C8orf89: variants seen among roughly 807,000 people sequenced by gnomAD.
C8orf89 encodes putative uncharacterized protein C8orf89.
C8orf89 carries 14 observed loss-of-function variants against 15.8 expected under a neutral mutation model. The observed-to-expected ratio is 0.89, with a 90% CI of 0.59 to 1.39. The LOEUF is 1.39. Ranked by LOEUF, C8orf89 falls within the 40% of genes most tolerant of loss-of-function variation. The probability of loss-of-function intolerance (pLI) is 0.00; values close to 1 mark genes in which losing one functional copy is unlikely to be tolerated. For synonymous variants in C8orf89, 55 were observed against 62.2 expected (o/e 0.88, Z 0.54); for missense variants, 181 against 184.5 (o/e 0.98, Z 0.11).
At chr8:73,282,852 A>G in the C8orf89 span, among the ~76,000 whole-genome samples, 1 of 152,224 alleles carries the variant, frequency 6.6e-6, no homozygotes, top group Non-Finnish European at 1.5e-5. Context: ...AAGCTGAATG[A>G]GGCTGGGAAT....
chr8:73,279,063 T>C, the C8orf89 span, among the ~76,000 whole-genome samples: 1 of 152,244 alleles, frequency 6.6e-6, no homozygotes, highest in African/African-American at 2.4e-5. Flanking sequence ...TATGGTCTTG[T>C]TCTTGTCTTA....
chr8:73,243,684 C>A (rs1813059235), intron 3 of C8orf89, among the ~76,000 whole-genome samples: 1 of 152,114 alleles, frequency 6.6e-6, no homozygotes, highest in South Asian at 2.1e-4. Flanking sequence ...CGTGTGCCAT[C>A]ATGCCCAGCT....
At chr8:73,262,826 A>G (rs972982888), upstream of C8orf89, among the ~76,000 whole-genome samples, 1 of 152,134 alleles carries the variant, frequency 6.6e-6, no homozygotes, top group Non-Finnish European at 1.5e-5. Flanking sequence ...CAAAAAAAAA[A>G]AAATTGAAAA....
chr8:73,280,726 T>G, the C8orf89 span, among the ~76,000 whole-genome samples: 1 of 150,800 alleles, frequency 6.6e-6, no homozygotes, highest in African/African-American at 2.5e-5. Flanking sequence ...TACACATATA[T>G]ATACACATAT....
At chr8:73,248,356 T>A (rs1255478484) in intron 3 of C8orf89, among the ~76,000 whole-genome samples, 1 of 152,114 alleles carries the variant, frequency 6.6e-6, no homozygotes, top group Admixed American at 6.5e-5. Context: ...TGTACCACGG[T>A]TTGAAGTCAG....
chr8:73,257,892 A>G (rs2130286872), intron 1 of C8orf89, among the ~76,000 whole-genome samples: 1 of 152,272 alleles, frequency 6.6e-6, no homozygotes, highest in East Asian at 1.9e-4. Context: ...TCAAAATGTT[A>G]TTTTGTAACT....
chr8:73,282,432 A>G, the C8orf89 span, among the ~76,000 whole-genome samples: 2 of 152,350 alleles, frequency 1.3e-5, no homozygotes, highest in African/African-American at 4.8e-5. Flanking sequence ...TTTAGACGGC[A>G]GAAATGTAGG....
intron 2 of C8orf89, among the ~76,000 whole-genome samples, chr8:73,255,616 C>A (rs1188079419): frequency 1.3e-5 from 2 of 149,506 alleles, no homozygotes; most frequent in African/African-American, 4.9e-5. Context: ...TGGGTATATA[C>A]CCAAAGGACT....
chr8:73,257,981 TG>T (rs1429583445), intron 1 of C8orf89, among the ~76,000 whole-genome samples: 1 of 152,164 alleles, frequency 6.6e-6, no homozygotes, highest in Admixed American at 6.5e-5. Context: ...CAATTAGATT[TG>T]GGGGGTAGAA....
chr8:73,275,231 C>CTTTTTTTTT, the C8orf89 span, among the ~76,000 whole-genome samples: 2 of 84,744 alleles, frequency 2.4e-5, no homozygotes, highest in African/African-American at 5.0e-5. Flanking sequence ...TGTAATAGTT[C>CTTTTTTTTT]TTTTTTTTTT....
chr8:73,250,172 ATAAT>A (rs1278803788), intron 3 of C8orf89, 92 bp downstream of exon 3: 4 of 712,902 alleles, frequency 5.6e-6, no homozygotes, highest in Non-Finnish European at 4.6e-6. Flanking sequence ...CAAAACAAAG[ATAAT>A]TAATCAATGA....
upstream of C8orf89, among the ~76,000 whole-genome samples, chr8:73,261,419 C>A (rs1488410174): frequency 3.3e-5 from 5 of 150,504 alleles, no homozygotes; most frequent in African/African-American, 1.2e-4. Context: ...ACGGTGAGGG[C>A]AAAGGGGAGA....
the C8orf89 span, among the ~76,000 whole-genome samples, chr8:73,274,372 C>G: frequency 5.9e-5 from 9 of 152,110 alleles, no homozygotes; most frequent in African/African-American, 2.2e-4. Flanking sequence ...AGGATGGTCT[C>G]AACCTCCTGA....
chr8:73,246,070 C>T (rs1023215960), intron 3 of C8orf89, among the ~76,000 whole-genome samples: 1 of 151,926 alleles, frequency 6.6e-6, no homozygotes, highest in African/African-American at 2.4e-5. Context: ...GTAAAAAATG[C>T]CAAATGAGAT....
chr8:73,284,963 C>A, the C8orf89 span, among the ~76,000 whole-genome samples: 1 of 152,150 alleles, frequency 6.6e-6, no homozygotes, highest in Non-Finnish European at 1.5e-5. Flanking sequence ...GGGAAAATGA[C>A]CAGTACAGTA....
At chr8:73,272,332 G>T in the C8orf89 span, among the ~76,000 whole-genome samples, 1 of 151,894 alleles carries the variant, frequency 6.6e-6, no homozygotes, top group Non-Finnish European at 1.5e-5. Context: ...CCTAATCAGG[G>T]CTTAATATAC....
At chr8:73,281,360 A>G in the C8orf89 span, among the ~76,000 whole-genome samples, 1 of 152,230 alleles carries the variant, frequency 6.6e-6, no homozygotes, top group South Asian at 2.1e-4. Context: ...CAGGTGGCAA[A>G]ATAATCTTTA....
chr8:73,259,556 C>G, upstream of C8orf89: 1 of 745,054 alleles, frequency 1.3e-6, no homozygotes, highest in Non-Finnish European at 2.0e-6. Context: ...ACAAGGCAAA[C>G]AGATGTGTCA....
the C8orf89 span, among the ~76,000 whole-genome samples, chr8:73,271,770 T>C: frequency 2.0e-5 from 3 of 152,090 alleles, no homozygotes; most frequent in African/African-American, 7.2e-5. Context: ...TTATTGGGCT[T>C]ACAATTCCAT....
Sources: allele counts gnomAD v4.1 joint callset (sites outside exome capture counted in the v4.1 genomes callset), GRCh38; gene constraint gnomAD v4.1.1; transcripts MANE v1.5; gene names NCBI Gene and HGNC (gene_info 2026-07-23, HGNC 2026-07-21).